Variants in CFAP299 observed in about 807,000 individuals in gnomAD.
CFAP299 encodes the protein cilia and flagella associated protein 299, also known as cilia- and flagella-associated protein 299.
CFAP299 carries 21 observed loss-of-function variants against 27.0 expected under a neutral mutation model. The observed-to-expected ratio is 0.78, with a 90% CI of 0.55 to 1.12. The LOEUF is 1.12. CFAP299 is among the 50% of genes most tolerant of loss of function. CFAP299 has a pLI of 0.00. For synonymous variants in CFAP299, 104 were observed against 98.1 expected (o/e 1.06, Z -0.36); for missense variants, 310 against 276.6 (o/e 1.12, Z -0.86).
intron 3 of CFAP299, among the ~76,000 whole-genome samples, chr4:80,849,504 T>G (rs1425822050): frequency 6.6e-6 from 1 of 152,170 alleles, no homozygotes; most frequent in Non-Finnish European, 1.5e-5. Flanking sequence ...AAGAAAGCAG[T>G]GAGTTTCTGA....
At chr4:80,415,073 G>C (rs1347208123) in intron 2 of CFAP299, among the ~76,000 whole-genome samples, 1 of 152,138 alleles carries the variant, frequency 6.6e-6, no homozygotes, top group East Asian at 1.9e-4. Flanking sequence ...CTTTTAAAAA[G>C]AGTCTCCTAA....
At chr4:80,722,359 G>A (rs1199851787) in intron 3 of CFAP299, among the ~76,000 whole-genome samples, 1 of 151,622 alleles carries the variant, frequency 6.6e-6, no homozygotes, top group African/African-American at 2.4e-5. Flanking sequence ...GGAGGTTGCA[G>A]TGAGCCGAGA....
At chr4:80,586,917 A>T (rs551202520) in intron 3 of CFAP299, among the ~76,000 whole-genome samples, 1 of 151,326 alleles carries the variant, frequency 6.6e-6, no homozygotes, top group Admixed American at 6.5e-5. Context: ...TGAAGCTAGT[A>T]AAAAAACATT....
At chr4:80,501,563 A>T (rs1578522178) in intron 2 of CFAP299, among the ~76,000 whole-genome samples, 1 of 148,568 alleles carries the variant, frequency 6.7e-6, no homozygotes, top group East Asian at 1.9e-4. Context: ...ATAAATATAT[A>T]ATTTATATAG....
At chr4:80,868,029 T>C (rs1361260278) in intron 3 of CFAP299, among the ~76,000 whole-genome samples, 1 of 152,198 alleles carries the variant, frequency 6.6e-6, no homozygotes, top group Admixed American at 6.5e-5. Flanking sequence ...TATACACACA[T>C]ATGTATCAAA....
At chr4:80,640,000 T>C (rs912409802) in intron 3 of CFAP299, among the ~76,000 whole-genome samples, 3 of 152,050 alleles carry the variant, frequency 2.0e-5, no homozygotes, top group Non-Finnish European at 4.4e-5. Context: ...GGGCATGGAG[T>C]TTCAGTTTAT....
intron 3 of CFAP299, among the ~76,000 whole-genome samples, chr4:80,783,513 C>T (rs1475432827): frequency 6.6e-6 from 1 of 152,086 alleles, no homozygotes; most frequent in Non-Finnish European, 1.5e-5. Flanking sequence ...ACTCATTTTC[C>T]TTCATAAATG....
chr4:80,686,503 A>G (rs1190116754), intron 3 of CFAP299, among the ~76,000 whole-genome samples: 1 of 152,172 alleles, frequency 6.6e-6, no homozygotes, highest in Non-Finnish European at 1.5e-5. Context: ...AACTAAACAA[A>G]TCTTCCATTT....
At chr4:80,961,686 A>G (rs1002172390) in intron 5 of CFAP299, among the ~76,000 whole-genome samples, 1 of 151,938 alleles carries the variant, frequency 6.6e-6, no homozygotes, top group Non-Finnish European at 1.5e-5. Context: ...CTTCAGATCT[A>G]AGTATTAACC....
chr4:80,738,435 A>G (rs1724044301), intron 3 of CFAP299, among the ~76,000 whole-genome samples: 1 of 152,072 alleles, frequency 6.6e-6, no homozygotes, highest in Non-Finnish European at 1.5e-5. Context: ...TATGAATTTA[A>G]GATCACTATA....
intron 2 of CFAP299, among the ~76,000 whole-genome samples, chr4:80,500,239 A>C (rs1464206000): frequency 6.6e-6 from 1 of 152,122 alleles, no homozygotes; most frequent in Non-Finnish European, 1.5e-5. Flanking sequence ...AATTCTCAGA[A>C]GATGGTGGAA....
intron 3 of CFAP299, among the ~76,000 whole-genome samples, chr4:80,690,730 C>G (rs1386646586): frequency 6.6e-6 from 1 of 152,018 alleles, no homozygotes; most frequent in Non-Finnish European, 1.5e-5. Flanking sequence ...ACAAAAAACC[C>G]TTCAAAAAAT....
chr4:80,531,163 A>G (rs987232385), intron 2 of CFAP299, among the ~76,000 whole-genome samples: 1 of 152,288 alleles, frequency 6.6e-6, no homozygotes, highest in Admixed American at 6.5e-5. Context: ...GAGTGACAGG[A>G]GGGTAGAAAT....
intron 3 of CFAP299, among the ~76,000 whole-genome samples, chr4:80,661,256 T>C (rs576005869): frequency 6.1e-5 from 9 of 146,594 alleles, no homozygotes; most frequent in Non-Finnish European, 1.2e-4. Flanking sequence ...AACCCAGGAG[T>C]CGGAGGTTGC....
At chr4:80,508,734 T>C (rs1424432603) in intron 2 of CFAP299, among the ~76,000 whole-genome samples, 1 of 152,080 alleles carries the variant, frequency 6.6e-6, no homozygotes, top group African/African-American at 2.4e-5. Context: ...GTTTTAAAAT[T>C]TCTTGCAGAG....
At chr4:80,673,355 T>C (rs1310485245) in intron 3 of CFAP299, among the ~76,000 whole-genome samples, 3 of 152,194 alleles carry the variant, frequency 2.0e-5, no homozygotes, top group Admixed American at 6.5e-5. Flanking sequence ...TCTACTTTGA[T>C]TGCACTGTGG....
At chr4:80,378,327 G>A (rs201441579) in intron 2 of CFAP299, among the ~76,000 whole-genome samples, 3 of 152,042 alleles carry the variant, frequency 2.0e-5, no homozygotes, top group African/African-American at 7.2e-5. Context: ...GCTATTTTTT[G>A]TGTGGTTTTG....
intron 3 of CFAP299, among the ~76,000 whole-genome samples, chr4:80,760,687 A>C (rs1725499352): frequency 6.6e-6 from 1 of 152,232 alleles, no homozygotes; most frequent in Admixed American, 6.5e-5. Context: ...TCTAAACAAG[A>C]CCATCTCTTT....
At chr4:80,580,737 A>G (rs1477001914) in intron 2 of CFAP299, among the ~76,000 whole-genome samples, 1 of 152,038 alleles carries the variant, frequency 6.6e-6, no homozygotes, top group Non-Finnish European at 1.5e-5. Context: ...ACAAATATTT[A>G]CTAAAAATTC....
Sources: gnomAD v4.1 joint callset for allele counts (sites outside exome capture counted in the v4.1 genomes callset) on GRCh38, gnomAD v4.1.1 for gene constraint, MANE v1.5 for transcripts, NCBI Gene and HGNC (gene_info 2026-07-23, HGNC 2026-07-21) for gene names.